Variants in RETREG3 observed in about 807,000 individuals in gnomAD.
RETREG3 encodes the protein reticulophagy regulator family member 3.
A neutral mutation model predicts 50.2 loss-of-function variants in RETREG3; 23 were observed. The observed-to-expected ratio is 0.46, with a 90% CI of 0.33 to 0.65. RETREG3 has a LOEUF of 0.65. Among genes scored for constraint, RETREG3 ranks in the 30% least tolerant of loss-of-function variants. The probability of loss-of-function intolerance (pLI) is 0.02; values close to 1 mark genes in which losing one functional copy is unlikely to be tolerated. For synonymous variants in RETREG3, 240 were observed against 234.4 expected (o/e 1.02, Z -0.22); for missense variants, 546 against 598.0 (o/e 0.91, Z 0.91).
At chr17:42,603,946 C>T (rs1404430900) in intron 1 of RETREG3, among the ~76,000 whole-genome samples, 1 of 151,026 alleles carries the variant, frequency 6.6e-6, no homozygotes, top group Non-Finnish European at 1.5e-5. Flanking sequence ...CACTGTACTC[C>T]AGCCTGGGCG....
chr17:42,599,305 T>C (rs2093154105), intron 1 of RETREG3: 1 of 152,192 alleles, frequency 6.6e-6, no homozygotes, highest in East Asian at 1.9e-4. Flanking sequence ...CTGCTTTTAT[T>C]CTTTAATCTT....
At chr17:42,588,918 A>C (rs1408387797) in intron 2 of RETREG3, among the ~76,000 whole-genome samples, 1 of 152,092 alleles carries the variant, frequency 6.6e-6, no homozygotes, top group Non-Finnish European at 1.5e-5. Context: ...TAGCCTCCCT[A>C]AAGTGCTGGA....
chr17:42,608,980 G>A (rs1249519831), intron 1 of RETREG3, 106 bp downstream of exon 1: 2 of 1,182,968 alleles, frequency 1.7e-6, no homozygotes, highest in East Asian at 4.9e-5. Context: ...GGCAAGTACA[G>A]GAAGGAGCCA....
intron 1 of RETREG3, among the ~76,000 whole-genome samples, chr17:42,596,057 C>T (rs1056849568): frequency 1.4e-4 from 22 of 152,050 alleles, no homozygotes; most frequent in Admixed American, 6.6e-4. Context: ...AAAGTTCTCA[C>T]GCTCATTATC....
chr17:42,581,977 C>A lies in RETREG3; in HGVS notation c.1237G>T (p.Ala413Ser), dbSNP rs771658176. The A allele has an allele frequency of 3.7e-5, 59 of 1,614,108 alleles. No homozygotes were observed. Among genetic ancestry groups the A allele is most frequent in the Non-Finnish European group, 4.9e-5 (58 of 1,180,032 alleles). The change falls in exon 9 of 9, where the codon GCC (alanine) becomes TCC (serine). Residue 413 changes from alanine (A) to serine (S), a missense_variant. By Grantham distance (99) the Ala-to-Ser change is moderately conservative. Coordinates refer to ENST00000309428, the MANE Select transcript of RETREG3 (RefSeq NM_178126.4). ...GCTCCAGAAGGGCCTGGTTGGGAGGCCCCTGACAAGGCCAGCTGAATCATA... is the reference window on the plus strand; with the variant it reads ...GCTCCAGAAGGGCCTGGTTGGGAGGACCCTGACAAGGCCAGCTGAATCATA... ...QGMIQLALSG[A>S]SQPGPSGAPA...
intron 1 of RETREG3, among the ~76,000 whole-genome samples, chr17:42,597,512 T>A (rs2093147801): frequency 8.0e-6 from 1 of 125,558 alleles, no homozygotes; most frequent in South Asian, 2.5e-4. Flanking sequence ...TGTGTGTGTG[T>A]GTGTGTGTGT....
At chr17:42,586,952 G>A in intron 3 of RETREG3, 61 bp from the exon 4 acceptor site, 4 of 1,594,582 alleles carry the variant, frequency 2.5e-6, no homozygotes, top group Non-Finnish European at 3.4e-6. Context: ...CCATCTTGCT[G>A]TGCAGGCAGC....
intron 1 of RETREG3, among the ~76,000 whole-genome samples, chr17:42,608,183 C>T (rs569486719): frequency 3.3e-5 from 5 of 152,248 alleles, no homozygotes; most frequent in African/African-American, 4.8e-5. Context: ...AGCAGAAAGC[C>T]CCCTATAAGT....
intron 1 of RETREG3, among the ~76,000 whole-genome samples, chr17:42,608,262 T>C (rs1166391305): frequency 1.3e-5 from 2 of 152,226 alleles, no homozygotes; most frequent in Non-Finnish European, 1.5e-5. Context: ...TATGAAGTCC[T>C]AGGTCCACTT....
chr17:42,586,168 T>C, intron 4 of RETREG3, 31 bp from the exon 5 acceptor site: 1 of 1,609,316 alleles, frequency 6.2e-7, no homozygotes, highest in Non-Finnish European at 8.5e-7. Flanking sequence ...ATTAAGTTTC[T>C]GTCACATGGC....
In RETREG3 at chr17:42,582,730, T is replaced by C. The variant is rs779810909; in HGVS notation, c.887A>G (p.Asp296Gly). The change falls in exon 8 of 9, where the codon GAC (aspartate) becomes GGC (glycine). Residue 296 changes from aspartate (D) to glycine (G), a missense_variant. Asp to Gly is a moderately conservative substitution (Grantham distance 94, BLOSUM62 -1). Coordinates refer to ENST00000309428, the MANE Select transcript of RETREG3 (RefSeq NM_178126.4). ...CCTTGAAAGATTGAATGTGCCATTG[T>C]CTGTACAGGAGACTTCAGCGTCTGA... ...EHSDAEVSCT[D>G]NGTFNLSRGQ... 1.2e-6 allele frequency: 2 copies of C among 1,614,230 alleles called. No individual in the cohort carries two copies. The highest frequency in any genetic ancestry group is 3.3e-5 in the Admixed American group (2 of 60,030).
Position 42,581,580 on chromosome 17 carries a change from TC to T in RETREG3, c.*232del. The T allele has an allele frequency of 2.0e-6, 1 of 495,660 alleles. No individual in the cohort carries two copies. The highest frequency in any genetic ancestry group is 3.6e-5 in the South Asian group (1 of 28,160). 30.7% of individuals were successfully genotyped at this position (495,660 alleles called of 1,614,324 possible). On this transcript the variant is annotated 3_prime_UTR_variant, in exon 9 of 9. Transcript: ENST00000309428. Reference sequence around the variant, plus strand: ...AGTACCATCCTGATGGAGAGAAGCCTCCCTTGGGGGAGCACACTCTCACTTC... The same window carrying T: ...AGTACCATCCTGATGGAGAGAAGCCTCCTTGGGGGAGCACACTCTCACTTC...
At chr17:42,584,198 G>A (rs542702185) in intron 6 of RETREG3, among the ~76,000 whole-genome samples, 1 of 152,288 alleles carries the variant, frequency 6.6e-6, no homozygotes, top group East Asian at 1.9e-4. Flanking sequence ...ATGTCAAGGT[G>A]TTAAGTGGAC....
chr17:42,587,786 A>C, intron 3 of RETREG3, 48 bp downstream of exon 3: 4 of 1,606,938 alleles, frequency 2.5e-6, no homozygotes, highest in Non-Finnish European at 3.4e-6. Flanking sequence ...GAATATTACA[A>C]GAGAATGAAT....
intron 3 of RETREG3, 25 bp from the exon 4 acceptor site, chr17:42,586,916 G>A (rs1279073259): frequency 1.2e-6 from 2 of 1,610,794 alleles, no homozygotes; most frequent in African/African-American, 2.7e-5. Flanking sequence ...AGGGGGAGCT[G>A]TGAAAGGAGG....
At chr17:42,601,481 G>C (rs902930387) in intron 1 of RETREG3, among the ~76,000 whole-genome samples, 1 of 148,778 alleles carries the variant, frequency 6.7e-6, no homozygotes, top group Non-Finnish European at 1.5e-5. Flanking sequence ...GCTGAGGCAG[G>C]AGAATGGCGT....
Position 42,607,499 on chromosome 17 carries a change from C to CAAAA in RETREG3, c.239+1583_239+1586dup, listed in dbSNP as rs34542887. On this transcript the variant is annotated intron_variant, in intron 1 of 8. Coordinates refer to ENST00000309428, the MANE Select transcript of RETREG3 (RefSeq NM_178126.4). ...TGGGTGATAGAGCAAGACCTTGTCT[C>CAAAA]AAAAAAAAAAAAAAAAAAAAAAAGG... Among the ~76,000 whole-genome samples, 111 of 46,818 alleles carry CAAAA rather than the reference C, an allele frequency of 2.4e-3. 3 individuals carry two copies. The highest frequency in any genetic ancestry group is 2.7e-3 in the Non-Finnish European group (76 of 28,316). 30.7% of individuals were successfully genotyped at this position (46,818 alleles called of 152,430 possible).
intron 1 of RETREG3, among the ~76,000 whole-genome samples, chr17:42,602,648 A>C (rs968699615): frequency 5.3e-5 from 8 of 152,196 alleles, no homozygotes; most frequent in African/African-American, 1.9e-4. Context: ...TATGATCATT[A>C]AAAATACTTA....
At chr17:42,596,526 T>C (rs927838549) in intron 1 of RETREG3, 3 of 152,076 alleles carry the variant, frequency 2.0e-5, no homozygotes, top group Non-Finnish European at 4.4e-5. Context: ...TTTCCTCCAT[T>C]CCTTACCCAT....
Sources: gnomAD v4.1 joint callset for allele counts (sites outside exome capture counted in the v4.1 genomes callset) on GRCh38, gnomAD v4.1.1 for gene constraint, MANE v1.5 for transcripts, NCBI Gene and HGNC (gene_info 2026-07-23, HGNC 2026-07-21) for gene names.